The following C2orf76 variants were observed in gnomAD, a reference collection of about 807,000 sequenced individuals.
C2orf76 encodes the protein chromosome 2 open reading frame 76.
Under a neutral mutation model 16.9 loss-of-function variants are expected in C2orf76, and 23 were observed. That is an observed-to-expected ratio of 1.36 (90% CI 0.98 to 1.93). The LOEUF is 1.93. C2orf76 is among the 30% of genes most tolerant of loss of function. C2orf76 has a pLI of 0.00. For synonymous variants in C2orf76, 48 were observed against 52.3 expected (o/e 0.92, Z 0.35); for missense variants, 152 against 152.6 (o/e 1.00, Z 0.02).
At chr2:119,298,932 T>C, downstream of C2orf76, among the ~76,000 whole-genome samples, 1 of 152,154 alleles carries the variant, frequency 6.6e-6, no homozygotes, top group East Asian at 1.9e-4. Flanking sequence ...GGCAATAGTG[T>C]TCATTCTTGT....
chr2:119,346,961 T>G (rs777208791), intron 1 of C2orf76, among the ~76,000 whole-genome samples: 1 of 152,204 alleles, frequency 6.6e-6, no homozygotes, highest in African/African-American at 2.4e-5. Flanking sequence ...ATTTCCTACA[T>G]CTACATGTGA....
At chr2:119,353,967 C>G (rs970356782) in intron 1 of C2orf76, among the ~76,000 whole-genome samples, 1 of 152,024 alleles carries the variant, frequency 6.6e-6, no homozygotes, top group Non-Finnish European at 1.5e-5. Flanking sequence ...TCAGTTCTGG[C>G]GTTCTATGGT....
chr2:119,359,858 A>C, intron 1 of C2orf76, among the ~76,000 whole-genome samples: 1 of 152,226 alleles, frequency 6.6e-6, no homozygotes. Context: ...AAGCGTTTAG[A>C]ATATTGCATA....
At chr2:119,312,484 A>C (rs865898237) in intron 4 of C2orf76, among the ~76,000 whole-genome samples, 4 of 152,118 alleles carry the variant, frequency 2.6e-5, no homozygotes, top group Non-Finnish European at 4.4e-5. Flanking sequence ...TCCTGAGGTC[A>C]AGTGATCCTC....
intron 1 of C2orf76, among the ~76,000 whole-genome samples, chr2:119,351,522 G>A (rs2422461): frequency 0.18 from 28,108 of 152,052 alleles, 2,834 homozygotes; most frequent in East Asian, 0.22. Context: ...AGGCCCAGGC[G>A]GGAGGATCAC....
chr2:119,348,781 G>A (rs1680289781), intron 1 of C2orf76, among the ~76,000 whole-genome samples: 1 of 152,174 alleles, frequency 6.6e-6, no homozygotes, highest in Non-Finnish European at 1.5e-5. Context: ...GGTTGTTTGA[G>A]TCCAGGAGTT....
chr2:119,321,257 A>G (rs1679333027), intron 2 of C2orf76, 53 bp from the exon 3 acceptor site: 1 of 942,914 alleles, frequency 1.1e-6, no homozygotes, highest in East Asian at 2.6e-5. Context: ...CACTCATAGA[A>G]TATGCACAGT....
intron 5 of C2orf76, 87 bp downstream of exon 5, chr2:119,311,535 C>G (rs1678987190): frequency 6.6e-7 from 1 of 1,524,274 alleles, no homozygotes; most frequent in African/African-American, 1.4e-5. Context: ...CATTTACTTT[C>G]CAGTGAGTTA....
chr2:119,311,753 G>A, intron 4 of C2orf76, 50 bp from the exon 5 acceptor site: 2 of 1,508,878 alleles, frequency 1.3e-6, no homozygotes, highest in Non-Finnish European at 1.8e-6. Flanking sequence ...ACATGGGTTT[G>A]TTTGGTGAGA....
chr2:119,299,168 TC>T (rs1433515788), downstream of C2orf76, among the ~76,000 whole-genome samples: 19 of 152,156 alleles, frequency 1.2e-4, no homozygotes, highest in African/African-American at 4.3e-4. Flanking sequence ...TCTTCCCGCC[TC>T]AGCCTCCCAA....
At chr2:119,296,654 T>G in the C2orf76 span, among the ~76,000 whole-genome samples, 1 of 151,936 alleles carries the variant, frequency 6.6e-6, no homozygotes, top group Non-Finnish European at 1.5e-5. Flanking sequence ...CTTCACCATC[T>G]CTCCTGCCTG....
At chr2:119,351,234 C>G (rs543304999) in intron 1 of C2orf76, among the ~76,000 whole-genome samples, 21 of 152,316 alleles carry the variant, frequency 1.4e-4, no homozygotes, top group African/African-American at 5.1e-4. Flanking sequence ...ACACCACTCA[C>G]AGCCTGCCTG....
intron 1 of C2orf76, among the ~76,000 whole-genome samples, chr2:119,351,676 C>T (rs1680410771): frequency 6.6e-6 from 1 of 151,996 alleles, no homozygotes; most frequent in East Asian, 1.9e-4. Flanking sequence ...ATCCCCTGAG[C>T]CTGGGAGGCA....
downstream of C2orf76, among the ~76,000 whole-genome samples, chr2:119,297,386 C>T (rs1678556828): frequency 6.6e-6 from 1 of 152,260 alleles, no homozygotes; most frequent in African/African-American, 2.4e-5. Flanking sequence ...AAATGCATAC[C>T]TATATGTTTA....
the C2orf76 span, among the ~76,000 whole-genome samples, chr2:119,285,669 A>G: frequency 1.3e-5 from 2 of 152,230 alleles, no homozygotes; most frequent in African/African-American, 4.8e-5. Flanking sequence ...AGACACAGGT[A>G]ATCTCATCAA....
chr2:119,293,421 A>T, the C2orf76 span, among the ~76,000 whole-genome samples: 29 of 152,304 alleles, frequency 1.9e-4, no homozygotes, highest in African/African-American at 6.3e-4. Context: ...TGGGGCGTGC[A>T]TATGTTTGGT....
At chr2:119,337,317 C>T (rs186818241) in intron 2 of C2orf76, among the ~76,000 whole-genome samples, 142 of 151,916 alleles carry the variant, frequency 9.3e-4, no homozygotes, top group African/African-American at 2.9e-3. Flanking sequence ...GTGATCCTCC[C>T]GCCTTAGCCT....
intron 5 of C2orf76, among the ~76,000 whole-genome samples, chr2:119,305,296 G>GACAC (rs149520597): frequency 3.3e-5 from 5 of 150,606 alleles, no homozygotes; most frequent in East Asian, 3.9e-4. Flanking sequence ...AGACAGACAA[G>GACAC]ACACACACAC....
intron 1 of C2orf76, among the ~76,000 whole-genome samples, chr2:119,347,159 G>T (rs984757945): frequency 2.0e-5 from 3 of 152,112 alleles, no homozygotes; most frequent in Non-Finnish European, 2.9e-5. Context: ...TGAATGAATC[G>T]AGCCTCCAGA....
Sources: gnomAD v4.1 joint callset for allele counts (sites outside exome capture counted in the v4.1 genomes callset) on GRCh38, gnomAD v4.1.1 for gene constraint, MANE v1.5 for transcripts, NCBI Gene and HGNC (gene_info 2026-07-23, HGNC 2026-07-21) for gene names.